Variants in SCNN1B observed in about 807,000 individuals in gnomAD.
SCNN1B encodes sodium channel epithelial 1 subunit beta.
SCNN1B carries 46 observed loss-of-function variants against 65.3 expected under a neutral mutation model. The observed-to-expected ratio is 0.70, with a 90% CI of 0.56 to 0.90. The LOEUF (loss-of-function observed/expected upper bound fraction) is 0.90. SCNN1B is among the 40% of genes least tolerant of loss of function. The pLI is 0.00. For missense variants in SCNN1B, 751 were observed against 830.5 expected, an observed-to-expected ratio of 0.90 and a Z score of 1.18; for synonymous variants, 349 against 330.6, an observed-to-expected ratio of 1.06 and a Z score of -0.60.
chr16:23,299,776 A>G (rs1961047870), upstream of SCNN1B, among the ~76,000 whole-genome samples: 1 of 152,252 alleles, frequency 6.6e-6, no homozygotes, highest in Non-Finnish European at 1.5e-5. Context: ...TGTGGAAGAC[A>G]GTATCGCGAT....
intron 2 of SCNN1B, among the ~76,000 whole-genome samples, chr16:23,292,667 C>T (rs561000557): frequency 6.6e-6 from 1 of 151,652 alleles, no homozygotes; most frequent in Non-Finnish European, 1.5e-5. Flanking sequence ...CCATGCCTGG[C>T]TAATTTTTTG....
chr16:23,375,866 G>C lies in SCNN1B; in HGVS notation c.1270+11G>C, dbSNP rs369905217. 8.9e-6 allele frequency: 14 copies of C among 1,564,258 alleles called. No homozygotes were observed. In the Admixed American group the frequency reaches 2.3e-4, roughly 26 times the overall value. On this transcript the variant is annotated intron_variant, in intron 8 of 12. Transcript: ENST00000343070. ...ACTTCCCAGACTGGGGTGAGCGGGG[G>C]CACGGGGGATCGGCACTCCAGCCAT...
chr16:23,306,006 GC>G (rs1248510706), intron 1 of SCNN1B, among the ~76,000 whole-genome samples: 1 of 152,146 alleles, frequency 6.6e-6, no homozygotes, highest in African/African-American at 2.4e-5. Context: ...ACTTTGGGAG[GC>G]TGAGGCGGGT....
intron 1 of SCNN1B, among the ~76,000 whole-genome samples, chr16:23,344,853 G>C (rs958576841): frequency 4.6e-5 from 7 of 152,166 alleles, no homozygotes; most frequent in African/African-American, 1.7e-4. Flanking sequence ...AATTAGCTGG[G>C]CATGGTGGCA....
At chr16:23,336,603 C>T (rs1961948114) in intron 1 of SCNN1B, among the ~76,000 whole-genome samples, 2 of 152,062 alleles carry the variant, frequency 1.3e-5, no homozygotes, top group African/African-American at 2.4e-5. Flanking sequence ...ATTTCTTGAC[C>T]TCATGATCTG....
intron 7 of SCNN1B, 71 bp downstream of exon 7, chr16:23,371,954 C>A: frequency 8.9e-7 from 1 of 1,128,194 alleles, no homozygotes; most frequent in Non-Finnish European, 1.4e-6. Flanking sequence ...CCTCAGTACT[C>A]CGGGAGAGCT....
intron 6 of SCNN1B, 122 bp from the exon 7 acceptor site, chr16:23,371,653 CG>C (rs1962787812): frequency 3.9e-6 from 4 of 1,019,426 alleles, no homozygotes; most frequent in Non-Finnish European, 4.6e-6. Context: ...CCCCCTCTGG[CG>C]CCCCCCCTGG....
chr16:23,357,458 C>G (rs1962443745), intron 4 of SCNN1B, among the ~76,000 whole-genome samples: 1 of 152,218 alleles, frequency 6.6e-6, no homozygotes, highest in Non-Finnish European at 1.5e-5. Flanking sequence ...TGGTGCACAT[C>G]TATAATCCCA....
chr16:23,352,700 G>T, intron 2 of SCNN1B, 101 bp from the exon 3 acceptor site: 1 of 1,237,086 alleles, frequency 8.1e-7, no homozygotes, highest in East Asian at 2.3e-5. Context: ...TATCTTTATA[G>T]CAGTGTGAAA....
At chr16:23,351,184 G>A (rs1050303503) in intron 2 of SCNN1B, among the ~76,000 whole-genome samples, 7 of 152,164 alleles carry the variant, frequency 4.6e-5, no homozygotes, top group African/African-American at 1.7e-4. Context: ...TGGGTTCTTA[G>A]AGCTGCTCAA....
At chr16:23,359,367 A>C (rs1962487558) in intron 4 of SCNN1B, 1 of 152,274 alleles carries the variant, frequency 6.6e-6, no homozygotes, top group Non-Finnish European at 1.5e-5. Context: ...GGTGATCGTC[A>C]TCTTCCCTCC....
intron 2 of SCNN1B, among the ~76,000 whole-genome samples, chr16:23,286,400 T>C (rs1960851564): frequency 6.6e-6 from 1 of 152,228 alleles, no homozygotes; most frequent in Non-Finnish European, 1.5e-5. Context: ...GAGAACTTAC[T>C]GGTTCTGAGA....
At chr16:23,332,594 G>T (rs971317693) in intron 1 of SCNN1B, among the ~76,000 whole-genome samples, 2 of 152,092 alleles carry the variant, frequency 1.3e-5, no homozygotes, top group African/African-American at 4.8e-5. Flanking sequence ...GCTTCCCAAG[G>T]TGCTGGAATT....
intron 4 of SCNN1B, among the ~76,000 whole-genome samples, chr16:23,361,955 T>G (rs1302857416): frequency 6.6e-6 from 1 of 152,062 alleles, no homozygotes; most frequent in African/African-American, 2.4e-5. Context: ...TCAAGCAATC[T>G]TCCCACTTCA....
In SCNN1B at chr16:23,345,736, G is replaced by A. The variant is rs116999063; in HGVS notation, c.-8-2856G>A. 8.9e-3 allele frequency among the ~76,000 whole-genome samples: 1,353 copies of A among 152,278 alleles called. 18 individuals are homozygous for A. Among genetic ancestry groups the A allele is most frequent in the Non-Finnish European group, 0.015 (1,010 of 68,020 alleles). On this transcript the variant is annotated intron_variant, in intron 1 of 12. Coordinates refer to ENST00000343070, the MANE Select transcript of SCNN1B (RefSeq NM_000336.3). ...CACCAACTGAGATGAAAGGGACAGC[G>A]GGATATCTTCACCTGAAACCTCAGT...
chr16:23,320,845 C>T (rs79302356), intron 1 of SCNN1B, among the ~76,000 whole-genome samples: 1 of 152,184 alleles, frequency 6.6e-6, no homozygotes, highest in Non-Finnish European at 1.5e-5. Context: ...CTGCTGCAGC[C>T]TCAGGGACGG....
rs77653920 is a variant in SCNN1B, at chr16:23,313,550, A to G, written c.-9+11113A>G. 1.6e-3 allele frequency among the ~76,000 whole-genome samples: 245 copies of G among 152,302 alleles called. 3 individuals are homozygous for G. The highest frequency in any genetic ancestry group is 5.6e-3 in the African/African-American group (234 of 41,556). On this transcript the variant is annotated intron_variant, in intron 1 of 12. Transcript: ENST00000343070. ...TATCGTTTGCCAAATCAACTCTGATAGGGCCCAAATGGCTCTCTCCCCTAC... is the reference window on the plus strand; with the variant it reads ...TATCGTTTGCCAAATCAACTCTGATGGGGCCCAAATGGCTCTCTCCCCTAC...
At chr16:23,316,735 T>C (rs1302164481) in intron 1 of SCNN1B, among the ~76,000 whole-genome samples, 1 of 117,528 alleles carries the variant, frequency 8.5e-6, no homozygotes, top group Non-Finnish European at 1.8e-5. Flanking sequence ...CCATCTCCTC[T>C]GTCATCACTG....
intron 2 of SCNN1B, among the ~76,000 whole-genome samples, chr16:23,291,235 G>A (rs929115456): frequency 6.6e-6 from 1 of 151,796 alleles, no homozygotes; most frequent in Non-Finnish European, 1.5e-5. Context: ...CTAATTTCTT[G>A]TATTTTTAGT....
Sources: gnomAD v4.1 joint callset for allele counts (sites outside exome capture counted in the v4.1 genomes callset) on GRCh38, gnomAD v4.1.1 for gene constraint, MANE v1.5 for transcripts, NCBI Gene and HGNC (gene_info 2026-07-23, HGNC 2026-07-21) for gene names.